DENND4C: variants seen among roughly 807,000 people sequenced by gnomAD.
DENND4C encodes the protein DENN domain containing 4C, also known as DENN domain-containing protein 4C.
DENND4C carries 108 observed loss-of-function variants against 203.0 expected under a neutral mutation model. The ratio of observed to expected loss-of-function variants is 0.53; its 90% CI spans 0.46 to 0.62. DENND4C has a LOEUF of 0.62. DENND4C is among the 20% of genes least tolerant of loss of function. The probability of loss-of-function intolerance (pLI) is 0.00; values close to 1 mark genes in which losing one functional copy is unlikely to be tolerated. For synonymous variants in DENND4C, 871 were observed against 792.4 expected (o/e 1.10, Z -1.67); for missense variants, 2,481 against 2,301.2 (o/e 1.08, Z -1.60).
chr9:19,246,444 A>AT (rs1313650302), intron 1 of DENND4C, among the ~76,000 whole-genome samples: 2 of 152,002 alleles, frequency 1.3e-5, no homozygotes, highest in Middle Eastern at 3.2e-3. Flanking sequence ...AATTATTATT[A>AT]TTTTTTATAA....
chr9:19,282,772 A>C (rs904741315), intron 2 of DENND4C, among the ~76,000 whole-genome samples: 1 of 120,792 alleles, frequency 8.3e-6, no homozygotes, highest in East Asian at 2.7e-4. Context: ...GCTGGAGTGC[A>C]GTGGTATGAT....
intron 1 of DENND4C, among the ~76,000 whole-genome samples, chr9:19,254,612 G>T (rs1029500790): frequency 2.0e-5 from 3 of 152,148 alleles, no homozygotes; most frequent in African/African-American, 7.2e-5. Context: ...GGGAGGGGAT[G>T]TAATGTACAG....
At chr9:19,285,876 G>T (rs759074776) in intron 2 of DENND4C, among the ~76,000 whole-genome samples, 10 of 152,196 alleles carry the variant, frequency 6.6e-5, no homozygotes, top group African/African-American at 2.4e-4. Flanking sequence ...GCAAATATAA[G>T]GGCTTAATTT....
At chr9:19,318,464 A>G (rs1476898006) in intron 12 of DENND4C, among the ~76,000 whole-genome samples, 1 of 152,254 alleles carries the variant, frequency 6.6e-6, no homozygotes, top group Non-Finnish European at 1.5e-5. Context: ...TAAAATATTC[A>G]TGATAACAGC....
intron 1 of DENND4C, among the ~76,000 whole-genome samples, chr9:19,241,498 T>C (rs1171361253): frequency 6.7e-6 from 1 of 150,120 alleles, no homozygotes; most frequent in Non-Finnish European, 1.5e-5. Context: ...GCATCTGGCC[T>C]TTTTTTTTCG....
chr9:19,237,069 G>A (rs995743808), intron 1 of DENND4C, among the ~76,000 whole-genome samples: 1 of 152,044 alleles, frequency 6.6e-6, no homozygotes, highest in Non-Finnish European at 1.5e-5. Context: ...TGCCCGGGCT[G>A]GAGTGCAATG....
chr9:19,258,736 C>T (rs1828611766), intron 1 of DENND4C, among the ~76,000 whole-genome samples: 1 of 151,986 alleles, frequency 6.6e-6, no homozygotes, highest in Non-Finnish European at 1.5e-5. Context: ...CTCACTGCAG[C>T]CTCTGCCTTC....
chr9:19,371,524 A>ATT, intron 31 of DENND4C: 1 of 288,126 alleles, frequency 3.5e-6, no homozygotes, highest in Non-Finnish European at 6.4e-6. Flanking sequence ...TGGAATAGAA[A>ATT]CCTGCAGGAA....
At chr9:19,243,875 A>T (rs1824404327) in intron 1 of DENND4C, among the ~76,000 whole-genome samples, 1 of 152,210 alleles carries the variant, frequency 6.6e-6, no homozygotes, top group South Asian at 2.1e-4. Flanking sequence ...ACAGTGGCAC[A>T]GTCGTCGCTC....
intron 1 of DENND4C, among the ~76,000 whole-genome samples, chr9:19,268,777 A>G (rs1430369855): frequency 2.0e-5 from 3 of 151,916 alleles, no homozygotes; most frequent in Admixed American, 6.6e-5. Flanking sequence ...CCTAGCCTGT[A>G]AAGTTTCTAC....
intron 17 of DENND4C, among the ~76,000 whole-genome samples, chr9:19,334,139 G>A (rs1047964059): frequency 6.6e-6 from 1 of 152,128 alleles, no homozygotes. Context: ...CCGACTCCCG[G>A]GTTCCAGCAA....
At chr9:19,342,878 A>G in intron 22 of DENND4C, 99 bp downstream of exon 22, 1 of 1,060,796 alleles carries the variant, frequency 9.4e-7, no homozygotes, top group Non-Finnish European at 1.3e-6. Flanking sequence ...ATTGTAATGA[A>G]CATGCTAAAG....
At chr9:19,258,433 T>G (rs1305158374) in intron 1 of DENND4C, among the ~76,000 whole-genome samples, 1 of 152,176 alleles carries the variant, frequency 6.6e-6, no homozygotes, top group Non-Finnish European at 1.5e-5. Flanking sequence ...TTAACATATA[T>G]AAAATTTCAC....
chr9:19,296,189 T>A lies in DENND4C; in HGVS notation c.983T>A (p.Phe328Tyr). The A allele has an allele frequency of 1.2e-6, 2 of 1,613,900 alleles. No individual in the cohort carries two copies. The highest frequency in any genetic ancestry group is 1.7e-6 in the Non-Finnish European group (2 of 1,179,926). ...CCTTTTTTTGAAGCTTTTAGGAAAT[T>A]TCTTATGTTTATCTACAAACTTTCT... is the stretch of plus-strand genomic sequence containing the variant. Reference protein sequence around the residue: ...HWPFFEAFRKFLMFIYKLSVS... With the variant: ...HWPFFEAFRKYLMFIYKLSVS... Residue 328 changes from phenylalanine to tyrosine, a missense_variant, in exon 6 of 33, where the codon TTT (phenylalanine) becomes TAT (tyrosine). Transcript: ENST00000434457.
chr9:19,261,327 T>G (rs1028898256), intron 1 of DENND4C, among the ~76,000 whole-genome samples: 7 of 152,132 alleles, frequency 4.6e-5, no homozygotes, highest in African/African-American at 1.7e-4. Context: ...CAGAATAGCT[T>G]TGACTATTCT....
At chr9:19,277,566 G>A (rs1019338226) in intron 2 of DENND4C, among the ~76,000 whole-genome samples, 2 of 151,758 alleles carry the variant, frequency 1.3e-5, no homozygotes, top group African/African-American at 4.8e-5. Context: ...TGGGTTCTTC[G>A]GGATTTTTTT....
intron 20 of DENND4C, among the ~76,000 whole-genome samples, chr9:19,339,076 T>C (rs551284776): frequency 2.0e-5 from 3 of 152,186 alleles, no homozygotes; most frequent in Non-Finnish European, 2.9e-5. Context: ...TTTATCTAGA[T>C]TCCCTTGTTT....
At chr9:19,241,055 T>C (rs1823573692) in intron 1 of DENND4C, among the ~76,000 whole-genome samples, 1 of 152,188 alleles carries the variant, frequency 6.6e-6, no homozygotes, top group African/African-American at 2.4e-5. Context: ...ATAGGGCACT[T>C]ACCACGAGAG....
chr9:19,286,304 T>C (rs898270852), intron 2 of DENND4C, among the ~76,000 whole-genome samples: 4 of 152,196 alleles, frequency 2.6e-5, no homozygotes, highest in Non-Finnish European at 5.9e-5. Context: ...TGAGATGTCT[T>C]ATTTATTCAG....
Sources: allele counts gnomAD v4.1 joint callset (sites outside exome capture counted in the v4.1 genomes callset), GRCh38; gene constraint gnomAD v4.1.1; transcripts MANE v1.5; gene names NCBI Gene and HGNC (gene_info 2026-07-23, HGNC 2026-07-21).